The following MAP4K3 variants were observed in gnomAD, a reference collection of about 807,000 sequenced individuals.
MAP4K3 encodes the protein mitogen-activated protein kinase kinase kinase kinase 3.
MAP4K3 carries 94 observed loss-of-function variants against 143.5 expected under a neutral mutation model. The observed-to-expected ratio is 0.65, with a 90% CI of 0.55 to 0.78. The LOEUF (loss-of-function observed/expected upper bound fraction) is 0.78, where lower values mean the gene tolerates loss of function less well. Among genes scored for constraint, MAP4K3 ranks in the 30% least tolerant of loss-of-function variants. The probability of loss-of-function intolerance (pLI) is 0.00; values close to 1 mark genes in which losing one functional copy is unlikely to be tolerated. For synonymous variants in MAP4K3, 416 were observed against 347.2 expected (o/e 1.20, Z -2.20); for missense variants, 1,077 against 1,068.1 (o/e 1.01, Z -0.12).
intron 13 of MAP4K3, among the ~76,000 whole-genome samples, chr2:39,312,402 A>T (rs888466278): frequency 3.3e-5 from 5 of 152,092 alleles, no homozygotes; most frequent in African/African-American, 1.2e-4. Context: ...TAAGAGCTTC[A>T]GCCAAAACCA....
intron 4 of MAP4K3, among the ~76,000 whole-genome samples, chr2:39,339,185 AAG>A (rs1223336866): frequency 6.6e-5 from 10 of 152,292 alleles, no homozygotes; most frequent in East Asian, 1.9e-4. Flanking sequence ...ACAATTATGA[AAG>A]AGAGAAATCT....
intron 1 of MAP4K3, among the ~76,000 whole-genome samples, chr2:39,396,498 T>A (rs1052738971): frequency 1.3e-5 from 2 of 151,106 alleles, no homozygotes; most frequent in Non-Finnish European, 3.0e-5. Flanking sequence ...TTTTTTTTTT[T>A]AAGCAGAGTC....
intron 1 of MAP4K3, 84 bp downstream of exon 1, chr2:39,436,808 G>C: frequency 8.4e-7 from 1 of 1,189,790 alleles, no homozygotes; most frequent in Non-Finnish European, 1.2e-6. Context: ...GTCTCCCGAG[G>C]ACAGGCGGCA....
Position 39,287,508 on chromosome 2 carries a change from G to C in MAP4K3, c.1475-544C>G, listed in dbSNP as rs562587420. ...AGTAGAGATGGAGTTTCACCATGTT[G>C]GTCAGGCTGGTCTCAAACTCTTGAC... On this transcript the variant is annotated intron_variant, in intron 20 of 33. Coordinates refer to ENST00000263881, the MANE Select transcript of MAP4K3 (RefSeq NM_003618.4). 1.0e-3 allele frequency among the ~76,000 whole-genome samples: 154 copies of C among 151,922 alleles called. 1 individual carries two copies. The highest frequency in any genetic ancestry group is 1.8e-3 in the Non-Finnish European group (122 of 67,942).
chr2:39,390,964 A>T (rs915414559), intron 1 of MAP4K3, among the ~76,000 whole-genome samples: 2 of 152,198 alleles, frequency 1.3e-5, no homozygotes, highest in Middle Eastern at 3.2e-3. Flanking sequence ...AATTTCTAAC[A>T]TCTGCAATAT....
chr2:39,358,108 T>C (rs78917292), intron 2 of MAP4K3, among the ~76,000 whole-genome samples: 1,888 of 152,336 alleles, frequency 0.012, 15 homozygotes, highest in Middle Eastern at 0.054. Context: ...TCTGTAATTT[T>C]CAGATATACC....
intron 2 of MAP4K3, among the ~76,000 whole-genome samples, chr2:39,369,130 C>G (rs188612584): frequency 1.2e-3 from 179 of 151,618 alleles, no homozygotes; most frequent in Non-Finnish European, 2.3e-3. Context: ...GACCATGTTA[C>G]TAACCTGTAA....
chr2:39,400,210 G>T (rs1008522915), intron 1 of MAP4K3, among the ~76,000 whole-genome samples: 3 of 152,106 alleles, frequency 2.0e-5, no homozygotes, highest in South Asian at 2.1e-4. Context: ...AATGTCTGTT[G>T]TATGTTTTTA....
intron 24 of MAP4K3, among the ~76,000 whole-genome samples, chr2:39,277,983 C>A (rs1681342668): frequency 6.6e-6 from 1 of 151,342 alleles, no homozygotes; most frequent in African/African-American, 2.4e-5. Flanking sequence ...CCTATCTCTA[C>A]TAAAAACACA....
intron 3 of MAP4K3, among the ~76,000 whole-genome samples, chr2:39,344,687 G>T (rs1158389604): frequency 6.6e-6 from 1 of 152,154 alleles, no homozygotes; most frequent in African/African-American, 2.4e-5. Context: ...AGTACTGTGG[G>T]AACCCAGAGA....
chr2:39,299,994 T>G (rs1251623997), intron 15 of MAP4K3, 193 bp from the exon 16 acceptor site: 1 of 336,596 alleles, frequency 3.0e-6, no homozygotes, highest in Non-Finnish European at 5.5e-6. Context: ...TATTTGAGTG[T>G]TTTTCTTGGA....
rs747011174 is a variant in MAP4K3, at chr2:39,254,568, A to G, written c.2471-48T>C. 4.3e-6 allele frequency: 6 copies of G among 1,399,500 alleles called. No individual in the cohort carries two copies. The South Asian group carries it at 7.0e-5, about 16-fold the overall frequency. The allele number at this position is 1,399,500 out of a possible 1,614,324, so 86.7% of individuals were successfully genotyped here. A position where few individuals can be genotyped will look rare whatever the true frequency, so the allele number is the denominator to read the frequency against. On this transcript the variant is annotated intron_variant, in intron 31 of 33. Transcript: ENST00000263881. ...TTACTGTTAATAGTACAAAAGTTCA[A>G]CTGATAAGCATCATTTCATCCCTCT...
At chr2:39,310,585 T>C (rs1271901202) in intron 13 of MAP4K3, among the ~76,000 whole-genome samples, 1 of 152,156 alleles carries the variant, frequency 6.6e-6, no homozygotes, top group Non-Finnish European at 1.5e-5. Context: ...TATACTGGTA[T>C]CCTTTCTTTT....
chr2:39,342,803 G>T (rs573523745), intron 4 of MAP4K3, among the ~76,000 whole-genome samples: 2 of 152,132 alleles, frequency 1.3e-5, no homozygotes, highest in South Asian at 4.2e-4. Flanking sequence ...ACATTAAATA[G>T]ATATTATTTT....
At chr2:39,310,005 T>C (rs569982140) in intron 13 of MAP4K3, among the ~76,000 whole-genome samples, 11 of 152,184 alleles carry the variant, frequency 7.2e-5, no homozygotes, top group Non-Finnish European at 1.2e-4. Flanking sequence ...TAATTGTAAA[T>C]ATTCATGGTG....
intron 1 of MAP4K3, among the ~76,000 whole-genome samples, chr2:39,410,670 G>A (rs566401631): frequency 1.5e-4 from 23 of 152,112 alleles, no homozygotes; most frequent in Admixed American, 3.3e-4. Flanking sequence ...AAAGGTCTTT[G>A]CATGGTGGAA....
At chr2:39,385,115 T>C (rs1434937377) in intron 1 of MAP4K3, among the ~76,000 whole-genome samples, 1 of 152,208 alleles carries the variant, frequency 6.6e-6, no homozygotes, top group Admixed American at 6.5e-5. Context: ...ATTTACCAGT[T>C]GAAGGGTATC....
intron 9 of MAP4K3, 77 bp downstream of exon 9, chr2:39,326,069 A>C: frequency 4.5e-6 from 7 of 1,546,152 alleles, no homozygotes; most frequent in Non-Finnish European, 4.4e-6. Context: ...CAAGACTAAG[A>C]AAATTACTTG....
At position 39,250,096 on chromosome 2, in the gene MAP4K3, C is replaced by T. The variant is rs1680091512; in HGVS notation, c.*522G>A. The T allele has an allele frequency of 6.6e-6, 1 of 152,494 alleles. No individual in the cohort carries two copies. The highest frequency in any genetic ancestry group is 2.4e-5 in the African/African-American group (1 of 41,430). The allele number at this position is 152,494 out of a possible 1,614,324, so 9.4% of individuals were successfully genotyped here. A position where few individuals can be genotyped will look rare whatever the true frequency, so the allele number is the denominator to read the frequency against. On this transcript the variant is annotated 3_prime_UTR_variant, in exon 34 of 34. Transcript: ENST00000263881. Reference sequence around the variant, plus strand: ...AAGATTATAAAATGATTACAGCCTCCATTACAATTTTAAAAGTTACAAGAT... The same window carrying T: ...AAGATTATAAAATGATTACAGCCTCTATTACAATTTTAAAAGTTACAAGAT...
Sources: gnomAD v4.1 joint callset for allele counts (sites outside exome capture counted in the v4.1 genomes callset) on GRCh38, gnomAD v4.1.1 for gene constraint, MANE v1.5 for transcripts, NCBI Gene and HGNC (gene_info 2026-07-23, HGNC 2026-07-21) for gene names.